Variants in AFF2 observed in about 807,000 individuals in gnomAD.
AFF2 encodes ALF transcription elongation factor 2, also known as AF4/FMR2 family member 2.
A neutral mutation model predicts 76.9 loss-of-function variants in AFF2; 14 were observed. That is an observed-to-expected ratio of 0.18 (90% confidence interval 0.12 to 0.28). The LOEUF (loss-of-function observed/expected upper bound fraction) is 0.28. Among genes scored for constraint, AFF2 ranks in the 10% least tolerant of loss-of-function variants. AFF2 has a pLI of 1.00. For synonymous variants in AFF2, 398 were observed against 366.7 expected (o/e 1.09, Z -0.98); for missense variants, 868 against 1,001.1 (o/e 0.87, Z 1.79).
intron 4 of AFF2, among the ~76,000 whole-genome samples, chrX:148,815,271 G>T (rs2040073368): frequency 8.9e-6 from 1 of 111,835 alleles, no homozygotes; most frequent in African/African-American, 3.2e-5. Flanking sequence ...CTGATGACTA[G>T]TTCTTACCTA....
At chrX:148,576,815 G>GTA (rs1378879475) in intron 1 of AFF2, among the ~76,000 whole-genome samples, 1 of 110,477 alleles carries the variant, frequency 9.1e-6, no homozygotes, top group Non-Finnish European at 1.9e-5. Context: ...GTGTGTGTGT[G>GTA]TGAGACAGAG....
At position 148,885,892 on chromosome X, in the gene AFF2, G is replaced by A. The variant is rs781885980; in HGVS notation, c.1266G>A (p.Met422Ile). ...ASTKSVSFKS[M>I]LEDDLKLSSD... ...CACCACTCTGATCTCTTTGTAGGAT[G>A]CTTGAGGATGACCTGAAGCTGAGCA... Residue 422 changes from methionine to isoleucine, a missense_variant, in exon 8 of 21, where the codon ATG (methionine) becomes ATA (isoleucine). Around this residue, in one of 6 missense-constraint regions of AFF2, gnomAD observed 532 missense variants for 564.2 expected, o/e 0.94. Coordinates refer to ENST00000370460, the MANE Select transcript of AFF2 (RefSeq NM_002025.4). 8.3e-7 allele frequency: 1 copy of A among 1,208,437 alleles called. No homozygotes were observed. The highest frequency in any genetic ancestry group is 1.1e-6 in the Non-Finnish European group (1 of 892,900).
intron 3 of AFF2, among the ~76,000 whole-genome samples, chrX:148,700,437 TGTGTGTGTGTG>T (rs1368464635): frequency 1.9e-5 from 2 of 106,030 alleles, no homozygotes; most frequent in Non-Finnish European, 3.9e-5. Context: ...TGTGTGTGTG[TGTGTGTGTGTG>T]TGTGTGTGTG....
rs781828586 is a variant in AFF2 at position 148,573,932 on chromosome X, T to G, written c.47+72788T>G. Among the ~76,000 whole-genome samples, 3 of 111,307 alleles carry G rather than the reference T, an allele frequency of 2.7e-5. No individual in the cohort carries two copies. The East Asian group carries it at 8.5e-4, about 32-fold the overall frequency. ...AATTTCTATTTCTGAGACTCCAAAT[T>G]AAAAATCTTGGAGCTGGATTTTTTC... On this transcript the variant is annotated intron_variant, in intron 1 of 20. Coordinates refer to ENST00000370460, the MANE Select transcript of AFF2 (RefSeq NM_002025.4).
rs919505854 is a variant in AFF2, at chrX:148,837,972, G to A, written c.1173+239G>A. On this transcript the variant is annotated intron_variant, in intron 5 of 20. Coordinates refer to ENST00000370460, the MANE Select transcript of AFF2 (RefSeq NM_002025.4). ...ATAGGGTGTTGCCACTGTCCAAGTC[G>A]CTGTGCCTAGAACAGATGAGACAGA... Among the ~76,000 whole-genome samples, 7 of 112,118 alleles carry A rather than the reference G, an allele frequency of 6.2e-5. No homozygotes were observed. In the East Asian group the frequency reaches 1.1e-3, roughly 18 times the overall value.
intron 1 of AFF2, among the ~76,000 whole-genome samples, chrX:148,626,129 C>G (rs967562913): frequency 2.7e-5 from 3 of 111,702 alleles, no homozygotes; most frequent in Non-Finnish European, 5.6e-5. Flanking sequence ...TGGACTCTCC[C>G]CCTATTCTGT....
At chrX:148,721,649 G>A (rs1557263821) in intron 3 of AFF2, among the ~76,000 whole-genome samples, 1 of 111,814 alleles carries the variant, frequency 8.9e-6, no homozygotes, top group African/African-American at 3.3e-5. Context: ...ATTTCAATTA[G>A]TAAGTGTATC....
At chrX:148,638,074 A>G (rs1317059523) in intron 1 of AFF2, among the ~76,000 whole-genome samples, 1 of 111,074 alleles carries the variant, frequency 9.0e-6, no homozygotes, top group African/African-American at 3.3e-5. Context: ...ATGTCCTGCC[A>G]TATCCTTGTT....
intron 7 of AFF2, among the ~76,000 whole-genome samples, chrX:148,852,649 A>G (rs1432869686): frequency 9.0e-6 from 1 of 111,177 alleles, no homozygotes; most frequent in Non-Finnish European, 1.9e-5. Flanking sequence ...TGCAACCACC[A>G]CTTTTGGAAC....
chrX:148,901,495 C>T (rs1363402450), intron 8 of AFF2, among the ~76,000 whole-genome samples: 5 of 112,039 alleles, frequency 4.5e-5, no homozygotes, highest in Non-Finnish European at 9.4e-5. Context: ...TTAAAATTAG[C>T]TGCAATCCCA....
At chrX:148,952,612 T>A (rs781995859) in intron 9 of AFF2, among the ~76,000 whole-genome samples, 26 of 111,574 alleles carry the variant, frequency 2.3e-4, no homozygotes, top group Non-Finnish European at 4.9e-4. Context: ...GGTGATGGCA[T>A]ACCCCAGTGT....
chrX:148,909,261 A>C (rs1669412105), intron 9 of AFF2, among the ~76,000 whole-genome samples: 1 of 112,186 alleles, frequency 8.9e-6, no homozygotes, highest in Admixed American at 9.4e-5. Context: ...ACAAATGAAC[A>C]CATAGAACAC....
intron 1 of AFF2, among the ~76,000 whole-genome samples, chrX:148,559,924 C>T: frequency 8.9e-6 from 1 of 111,830 alleles, no homozygotes; most frequent in Non-Finnish European, 1.9e-5. Context: ...TTCTCCACAT[C>T]CTCTCCAGCA....
chrX:148,565,785 G>A (rs1340895521), intron 1 of AFF2, among the ~76,000 whole-genome samples: 9 of 110,850 alleles, frequency 8.1e-5, no homozygotes, highest in African/African-American at 1.6e-4. Context: ...GCCAGTTAAC[G>A]TGTCTTTGAA....
Position 148,720,705 on chromosome X carries a change from A to G in AFF2, c.1041+57937A>G, listed in dbSNP as rs534943364. On this transcript the variant is annotated intron_variant, in intron 3 of 20. Coordinates refer to ENST00000370460, the MANE Select transcript of AFF2 (RefSeq NM_002025.4). The stretch of plus-strand genomic sequence containing the variant: ...TATATAAACAGATATTTGTCATGCT[A>G]TTCTGACTCCTACATCTTCATTCAC... 2.1e-4 allele frequency among the ~76,000 whole-genome samples: 24 copies of G among 111,985 alleles called. No individual in the cohort carries two copies. In the South Asian group the frequency reaches 8.9e-3, roughly 42 times the overall value.
chrX:148,625,231 T>A (rs13440944), intron 1 of AFF2, among the ~76,000 whole-genome samples: 1,225 of 111,267 alleles, frequency 0.011, 11 homozygotes, highest in Middle Eastern at 0.023. Context: ...TAGCTGTGAA[T>A]AACTGACTTC....
chrX:148,702,937 C>T (rs782238016), intron 3 of AFF2, among the ~76,000 whole-genome samples: 2 of 111,881 alleles, frequency 1.8e-5, no homozygotes, highest in Non-Finnish European at 3.8e-5. Context: ...CTTGGAAAAG[C>T]GAACAAGTTC....
intron 9 of AFF2, among the ~76,000 whole-genome samples, chrX:148,907,529 AC>A (rs1179068398): frequency 9.0e-6 from 1 of 111,188 alleles, no homozygotes; most frequent in African/African-American, 3.3e-5. Context: ...TCCGGGGGGG[AC>A]ATCACATGTC....
At chrX:148,966,683 T>C in intron 13 of AFF2, 107 bp from the exon 14 acceptor site, 4 of 1,121,934 alleles carry the variant, frequency 3.6e-6, no homozygotes, top group Non-Finnish European at 4.7e-6. Flanking sequence ...CTTTCTTTTT[T>C]TTTTTTTTTG....
Sources: allele counts gnomAD v4.1 joint callset (sites outside exome capture counted in the v4.1 genomes callset), GRCh38; gene constraint gnomAD v4.1.1; regional missense constraint gnomAD v4.1.1; transcripts MANE v1.5; gene names NCBI Gene and HGNC (gene_info 2026-07-23, HGNC 2026-07-21).